Variants in MARCHF1 observed in about 807,000 individuals in gnomAD.
MARCHF1 encodes the protein membrane associated ring-CH-type finger 1.
MARCHF1 carries 40 observed loss-of-function variants against 54.2 expected under a neutral mutation model. The observed-to-expected ratio is 0.74, with a 90% CI of 0.57 to 0.96. The LOEUF is 0.96. MARCHF1 is among the 40% of genes least tolerant of loss of function. The pLI, the probability that MARCHF1 is intolerant of heterozygous loss-of-function variation, is 0.00. For missense variants in MARCHF1, 586 were observed against 656.5 expected (o/e 0.89, Z 1.17); for synonymous variants, 236 against 236.3 (o/e 1.00, Z 0.01).
intron 8 of MARCHF1, among the ~76,000 whole-genome samples, chr4:163,553,047 A>AAG (rs1553991321): frequency 2.5e-3 from 96 of 37,780 alleles, no homozygotes; most frequent in African/African-American, 4.8e-3. Flanking sequence ...AAAAAAAAAA[A>AAG]AAAAGAAGAA....
intron 1 of MARCHF1, among the ~76,000 whole-genome samples, chr4:164,259,653 T>C (rs1214396651): frequency 6.6e-6 from 1 of 151,526 alleles, no homozygotes; most frequent in Non-Finnish European, 1.5e-5. Flanking sequence ...CAGCAGTTTA[T>C]ACTATTAAGC....
At chr4:163,622,047 T>C (rs1223295982) in intron 5 of MARCHF1, among the ~76,000 whole-genome samples, 1 of 151,930 alleles carries the variant, frequency 6.6e-6, no homozygotes, top group African/African-American at 2.4e-5. Context: ...TGATGTGGGG[T>C]TAGAAAATCT....
chr4:163,839,660 G>A (rs1749284109), intron 4 of MARCHF1, among the ~76,000 whole-genome samples: 1 of 152,120 alleles, frequency 6.6e-6, no homozygotes, highest in South Asian at 2.1e-4. Flanking sequence ...CACATCTACA[G>A]AGACAAAGTG....
chr4:164,059,091 T>C (rs948018736), intron 2 of MARCHF1, among the ~76,000 whole-genome samples: 2 of 152,210 alleles, frequency 1.3e-5, no homozygotes, highest in Admixed American at 6.5e-5. Context: ...TATGAGCTGG[T>C]TGTACTGAAA....
intron 1 of MARCHF1, among the ~76,000 whole-genome samples, chr4:164,140,706 A>C (rs928725130): frequency 4.6e-5 from 7 of 152,094 alleles, no homozygotes; most frequent in African/African-American, 1.7e-4. Flanking sequence ...CTGTGCAGCA[A>C]GCAGCAGGAC....
At chr4:164,232,623 T>C (rs1732443906) in intron 1 of MARCHF1, among the ~76,000 whole-genome samples, 1 of 152,192 alleles carries the variant, frequency 6.6e-6, no homozygotes, top group Non-Finnish European at 1.5e-5. Flanking sequence ...ATTTCACATG[T>C]GGTTATTCCT....
Position 163,721,740 on chromosome 4 carries a change from T to G in MARCHF1, c.112-20877A>C, listed in dbSNP as rs6842252. On this transcript the variant is annotated intron_variant, in intron 4 of 9. Coordinates refer to ENST00000514618, the MANE Select transcript of MARCHF1 (RefSeq NM_001394959.1). ...TTTGTCTATTCAGGGATTCAACTTC[T>G]TCCTGGTTTAGTGTTGGGAGGGTGT... is the stretch of plus-strand genomic sequence containing the variant. Among the ~76,000 whole-genome samples, 535 of 152,296 alleles carry G rather than the reference T, an allele frequency of 3.5e-3. 8 individuals carry two copies. The highest frequency in any genetic ancestry group is 0.012 in the African/African-American group (492 of 41,516).
chr4:163,766,171 C>T (rs1746971869), intron 4 of MARCHF1, among the ~76,000 whole-genome samples: 1 of 151,796 alleles, frequency 6.6e-6, no homozygotes, highest in Admixed American at 6.6e-5. Flanking sequence ...TATTTTTACG[C>T]CAGAGGTGTG....
intron 3 of MARCHF1, chr4:163,933,188 A>T: frequency 1.3e-6 from 1 of 749,296 alleles, no homozygotes; most frequent in Non-Finnish European, 2.3e-6. Flanking sequence ...CTTAGAGACA[A>T]CCTAACACTA....
chr4:163,904,489 G>A (rs1027315131), intron 3 of MARCHF1, among the ~76,000 whole-genome samples: 3 of 152,114 alleles, frequency 2.0e-5, no homozygotes, highest in African/African-American at 7.2e-5. Flanking sequence ...CAAACAGTGG[G>A]TACCTCAAAT....
chr4:164,070,002 G>A (rs1754828757), intron 2 of MARCHF1, among the ~76,000 whole-genome samples: 1 of 152,196 alleles, frequency 6.6e-6, no homozygotes. Flanking sequence ...CCCTAAGAGA[G>A]CTAATGCAGG....
chr4:163,940,533 T>C (rs1425404731), intron 3 of MARCHF1, among the ~76,000 whole-genome samples: 4 of 152,172 alleles, frequency 2.6e-5, no homozygotes, highest in Admixed American at 6.6e-5. Context: ...TTCATATGTG[T>C]TTCCTCTATG....
chr4:164,104,266 G>C (rs1302300302), intron 2 of MARCHF1, among the ~76,000 whole-genome samples: 1 of 128,462 alleles, frequency 7.8e-6, no homozygotes, highest in African/African-American at 3.0e-5. Flanking sequence ...CTCATTTTAT[G>C]AGGCCAGCAT....
At chr4:164,376,766 AGAAAGT>A (rs1206355385) in intron 1 of MARCHF1, among the ~76,000 whole-genome samples, 2 of 152,198 alleles carry the variant, frequency 1.3e-5, no homozygotes, top group African/African-American at 4.8e-5. Context: ...GTCACAGAAA[AGAAAGT>A]GAAAGATACT....
In MARCHF1 at chr4:164,211,331, G is replaced by GTGTATATATATATATA. The variant is rs763172261; in HGVS notation, c.-322-99670_-322-99669insTATATATATATATACA. Among the ~76,000 whole-genome samples, 7 of 115,982 alleles carry GTGTATATATATATATA rather than the reference G, an allele frequency of 6.0e-5. No homozygotes were observed. In the South Asian group the frequency reaches 8.6e-4, roughly 14 times the overall value. 76.1% of individuals were successfully genotyped at this position (115,982 alleles called of 152,430 possible). ...AACCTGCATATGTGTATGTATGTAT[G>GTGTATATATATATATA]TATATATATATATATATATATATAC... On this transcript the variant is annotated intron_variant, in intron 1 of 9. Transcript: ENST00000514618.
chr4:164,281,385 A>G (rs1457044587), intron 1 of MARCHF1, among the ~76,000 whole-genome samples: 1 of 152,196 alleles, frequency 6.6e-6, no homozygotes, highest in Non-Finnish European at 1.5e-5. Context: ...TCTGATAGGA[A>G]TAAAACACAC....
chr4:164,222,643 A>T (rs1222348874), intron 1 of MARCHF1, among the ~76,000 whole-genome samples: 1 of 151,972 alleles, frequency 6.6e-6, no homozygotes. Flanking sequence ...AGAGGGAACC[A>T]GGAAGAGAGA....
At chr4:164,011,524 C>T (rs901758798) in intron 2 of MARCHF1, among the ~76,000 whole-genome samples, 1 of 152,144 alleles carries the variant, frequency 6.6e-6, no homozygotes, top group African/African-American at 2.4e-5. Context: ...AAAAGCTCAA[C>T]ATCAATAACC....
intron 4 of MARCHF1, among the ~76,000 whole-genome samples, chr4:163,762,570 T>C (rs75783229): frequency 7.2e-5 from 11 of 152,132 alleles, no homozygotes; most frequent in Admixed American, 2.0e-4. Flanking sequence ...AATAAAAGGT[T>C]TTTGTATTCC....
Sources: gnomAD v4.1 joint callset for allele counts (sites outside exome capture counted in the v4.1 genomes callset) on GRCh38, gnomAD v4.1.1 for gene constraint, MANE v1.5 for transcripts, NCBI Gene and HGNC (gene_info 2026-07-23, HGNC 2026-07-21) for gene names.